PSD3: variants seen among roughly 807,000 people sequenced by gnomAD.
PSD3 encodes PH and SEC7 domain-containing protein 3.
Under a neutral mutation model 105.5 loss-of-function variants are expected in PSD3, and 49 were observed. That is an observed-to-expected ratio of 0.46 (90% confidence interval 0.37 to 0.59). The LOEUF (loss-of-function observed/expected upper bound fraction) is 0.59. Ranked by LOEUF, PSD3 falls within the 20% of genes least tolerant of loss-of-function variation. PSD3 has a pLI of 0.00. For missense variants in PSD3, 1,561 were observed against 1,263.8 expected, an observed-to-expected ratio of 1.24 and a Z score of -3.57; for synonymous variants, 557 against 457.8, an observed-to-expected ratio of 1.22 and a Z score of -2.77.
intron 9 of PSD3, among the ~76,000 whole-genome samples, chr8:18,715,928 G>C (rs1311319810): frequency 1.3e-5 from 2 of 152,192 alleles, no homozygotes; most frequent in African/African-American, 4.8e-5. Context: ...TAACTTCATA[G>C]AACATAGATT....
intron 1 of PSD3, among the ~76,000 whole-genome samples, chr8:18,980,136 C>A (rs144057724): frequency 0.015 from 2,238 of 152,282 alleles, 70 homozygotes; most frequent in African/African-American, 0.05. Context: ...TACTTAAAGA[C>A]CTACTGTCTG....
At chr8:18,807,107 A>G (rs946519354) in intron 4 of PSD3, among the ~76,000 whole-genome samples, 2 of 152,240 alleles carry the variant, frequency 1.3e-5, no homozygotes, top group Non-Finnish European at 2.9e-5. Flanking sequence ...ACATCACGAA[A>G]TGACAAAAAC....
chr8:18,659,318 C>T (rs979892945), intron 9 of PSD3, among the ~76,000 whole-genome samples: 1 of 152,212 alleles, frequency 6.6e-6, no homozygotes, highest in Non-Finnish European at 1.5e-5. Flanking sequence ...TCGCCATCTC[C>T]TCTAAAATGC....
chr8:18,823,438 C>A (rs1236963981), intron 4 of PSD3, among the ~76,000 whole-genome samples: 1 of 152,128 alleles, frequency 6.6e-6, no homozygotes, highest in Non-Finnish European at 1.5e-5. Context: ...GCAATAATAG[C>A]AAAGGCGTGA....
At position 18,799,475 on chromosome 8, in the gene PSD3, T is replaced by C. The variant is rs561860673; in HGVS notation, c.2024-122A>G. 2.0e-4 allele frequency: 151 copies of C among 761,200 alleles called. 1 individual carries two copies. The highest frequency in any genetic ancestry group is 1.4e-3 in the Middle Eastern group (6 of 4,204). 47.2% of individuals were successfully genotyped at this position (761,200 alleles called of 1,614,324 possible). ...ACAGTACTGTGCTAGGTACAATTAG[T>C]CCTGTTTTAAGAAACAAAAAATGGA... On this transcript the variant is annotated intron_variant, in intron 7 of 15. Transcript: ENST00000327040.
intron 2 of PSD3, among the ~76,000 whole-genome samples, chr8:18,902,148 C>CT (rs1196414417): frequency 6.6e-6 from 1 of 152,112 alleles, no homozygotes; most frequent in Admixed American, 6.5e-5. Context: ...GCTTTCTATG[C>CT]TTTTTTCTTT....
intron 12 of PSD3, among the ~76,000 whole-genome samples, chr8:18,576,386 G>A (rs201396193): frequency 6.6e-6 from 1 of 152,132 alleles, no homozygotes; most frequent in Admixed American, 6.6e-5. Context: ...CCCAGGATAA[G>A]AAGTGCTATT....
intron 11 of PSD3, among the ~76,000 whole-genome samples, chr8:18,619,463 G>A (rs187187734): frequency 1.3e-3 from 197 of 152,150 alleles, no homozygotes; most frequent in Non-Finnish European, 2.6e-3. Context: ...TGACCAACAA[G>A]GTCTGACCCA....
rs570994983 is a variant in PSD3, at chr8:18,796,089, A to G, written c.2082+3206T>C. Reference sequence around the variant, plus strand: ...ATTTAAGGGAATAAACTACTTGCAGACAAGTAAAAACAAGTAGATACTCTT... The same window carrying G: ...ATTTAAGGGAATAAACTACTTGCAGGCAAGTAAAAACAAGTAGATACTCTT... On this transcript the variant is annotated intron_variant, in intron 8 of 15. Coordinates refer to ENST00000327040, the MANE Select transcript of PSD3 (RefSeq NM_015310.4). Among the ~76,000 whole-genome samples the G allele has an allele frequency of 7.9e-5, 12 of 152,338 alleles. No homozygotes were observed. In the South Asian group the frequency reaches 2.5e-3, roughly 32 times the overall value.
At chr8:18,830,900 C>T (rs1175243696) in intron 4 of PSD3, among the ~76,000 whole-genome samples, 1 of 152,220 alleles carries the variant, frequency 6.6e-6, no homozygotes, top group Non-Finnish European at 1.5e-5. Context: ...AAAATACCTA[C>T]AAGAGCCATT....
chr8:19,044,279 T>A (rs1828236856), intron 1 of PSD3, among the ~76,000 whole-genome samples: 1 of 152,236 alleles, frequency 6.6e-6, no homozygotes, highest in Non-Finnish European at 1.5e-5. Context: ...TCCTAGCTGC[T>A]TTTTCTCCTC....
At chr8:18,770,617 C>T (rs114948751) in intron 8 of PSD3, among the ~76,000 whole-genome samples, 1,747 of 152,316 alleles carry the variant, frequency 0.011, 26 homozygotes, top group African/African-American at 0.04. Context: ...CAAATGCCTT[C>T]GGGCACCAGC....
At chr8:18,941,304 GT>G (rs1233436546) in intron 1 of PSD3, among the ~76,000 whole-genome samples, 1 of 152,138 alleles carries the variant, frequency 6.6e-6, no homozygotes, top group Non-Finnish European at 1.5e-5. Context: ...AATGCTTCAA[GT>G]TTGGGCTTCA....
chr8:18,702,277 G>C (rs1801627214), intron 9 of PSD3, among the ~76,000 whole-genome samples: 1 of 152,180 alleles, frequency 6.6e-6, no homozygotes, highest in Non-Finnish European at 1.5e-5. Context: ...AACATCACCT[G>C]ATTTTGGTGA....
intron 1 of PSD3, among the ~76,000 whole-genome samples, chr8:19,023,604 A>C (rs190412401): frequency 6.6e-6 from 1 of 151,780 alleles, no homozygotes; most frequent in African/African-American, 2.4e-5. Flanking sequence ...ACTGAATATT[A>C]TTTTAATTTT....
At position 18,804,720 on chromosome 8, in the gene PSD3, T is replaced by C. The variant is rs376281319; in HGVS notation, c.1813A>G (p.Lys605Glu). The part of the protein sequence containing the change: ...LDRFKRSDVA[K>E]HLGKNNEFSK... ...AGAACGTACTTCTTGCCAAGGTGTT[T>C]TGCAACATCTGATCTTTTGAATCTG... Residue 605 changes from lysine (K) to glutamate (E), a missense_variant, in exon 5 of 16, where the codon AAA becomes GAA. Lys to Glu is a moderately conservative substitution (Grantham distance 56). Coordinates refer to ENST00000327040, the MANE Select transcript of PSD3 (RefSeq NM_015310.4). 3.1e-6 allele frequency: 5 copies of C among 1,613,818 alleles called. No homozygotes were observed. The highest frequency in any genetic ancestry group is 1.3e-5 in the African/African-American group (1 of 74,916).
chr8:18,531,860 T>C lies in PSD3; in HGVS notation c.*3883A>G. 6.6e-6 allele frequency: 1 copy of C among 152,192 alleles called. No individual in the cohort carries two copies. 9.4% of individuals were successfully genotyped at this position (152,192 alleles called of 1,614,324 possible). On this transcript the variant is annotated 3_prime_UTR_variant, in exon 16 of 16. Coordinates refer to ENST00000327040, the MANE Select transcript of PSD3 (RefSeq NM_015310.4). ...TTTGAAAAGTCAAGGGATGACTCACTGCTGAAATGAAGAGAGGTGGCTCCC... is the reference window on the plus strand; with the variant it reads ...TTTGAAAAGTCAAGGGATGACTCACCGCTGAAATGAAGAGAGGTGGCTCCC...
intron 1 of PSD3, among the ~76,000 whole-genome samples, chr8:19,079,666 T>C (rs1829578415): frequency 6.6e-6 from 1 of 152,144 alleles, no homozygotes; most frequent in Admixed American, 6.5e-5. Flanking sequence ...ACTAGAACCA[T>C]TACAGGACAG....
chr8:18,802,941 C>G (rs1446924501), intron 6 of PSD3, among the ~76,000 whole-genome samples: 1 of 152,134 alleles, frequency 6.6e-6, no homozygotes, highest in African/African-American at 2.4e-5. Flanking sequence ...ACTGATTATG[C>G]TGACATTCAT....
Sources: gnomAD v4.1 joint callset for allele counts (sites outside exome capture counted in the v4.1 genomes callset) on GRCh38, gnomAD v4.1.1 for gene constraint, MANE v1.5 for transcripts, NCBI Gene and HGNC (gene_info 2026-07-23, HGNC 2026-07-21) for gene names.